The following MCPH1 variants were observed in gnomAD, a reference collection of about 807,000 sequenced individuals.
MCPH1 encodes the protein microcephalin.
In MCPH1, 104 loss-of-function variants were observed where a neutral mutation model predicts 84.5. The ratio of observed to expected loss-of-function variants is 1.23; its 90% CI spans 1.05 to 1.45. The LOEUF (loss-of-function observed/expected upper bound fraction) is 1.45. Among genes scored for constraint, MCPH1 ranks in the 40% most tolerant of loss-of-function variants. The probability of loss-of-function intolerance (pLI) is 0.00; values close to 1 mark genes in which losing one functional copy is unlikely to be tolerated. For missense variants in MCPH1, 1,498 were observed against 1,005.7 expected, an observed-to-expected ratio of 1.49 and a Z score of -6.62; for synonymous variants, 514 against 366.8, an observed-to-expected ratio of 1.40 and a Z score of -4.58.
intron 12 of MCPH1, among the ~76,000 whole-genome samples, chr8:6,564,406 C>T (rs2442509): frequency 0.77 from 117,187 of 152,154 alleles, 48,102 homozygotes; most frequent in East Asian, 0.94. Flanking sequence ...GCTCTAATGT[C>T]CTCATCTGTG....
intron 9 of MCPH1, among the ~76,000 whole-genome samples, chr8:6,473,320 C>CTTTTTTTTTTTTTTT (rs56077837): frequency 2.6e-5 from 2 of 76,438 alleles, no homozygotes; most frequent in African/African-American, 1.1e-4. Context: ...TCTCTCAATC[C>CTTTTTTTTTTTTTTT]TTTTTTTTTT....
At chr8:6,602,956 C>T (rs114253078) in intron 12 of MCPH1, among the ~76,000 whole-genome samples, 2,942 of 151,774 alleles carry the variant, frequency 0.019, 83 homozygotes, top group African/African-American at 0.067. Context: ...TGTACATAGG[C>T]GCATGTGTGT....
At chr8:6,532,374 T>G in intron 12 of MCPH1, 1 of 1,614,168 alleles carries the variant, frequency 6.2e-7, no homozygotes, top group South Asian at 1.1e-5. Flanking sequence ...GCTCCGCTGT[T>G]TGGTTCAACA....
intron 13 of MCPH1, chr8:6,642,537 G>C (rs966133113): frequency 9.6e-5 from 21 of 217,994 alleles, no homozygotes; most frequent in Middle Eastern, 1.9e-3. Context: ...TACCTATGCT[G>C]GGTAGATAGG....
In MCPH1 at chr8:6,408,497, C is replaced by T. The variant is rs1244094887; in HGVS notation, c.23-782C>T. On this transcript the variant is annotated intron_variant, in intron 1 of 13. Coordinates refer to ENST00000344683, the MANE Select transcript of MCPH1 (RefSeq NM_024596.5). Reference sequence around the variant, plus strand: ...TCCACCTTGCAAAATGCTGGGATTACAGGCATGAGCTACTTTGTTCAGCCA... The same window carrying T: ...TCCACCTTGCAAAATGCTGGGATTATAGGCATGAGCTACTTTGTTCAGCCA... 2.0e-5 allele frequency among the ~76,000 whole-genome samples: 3 copies of T among 152,026 alleles called. No homozygotes were observed. The South Asian group carries it at 6.2e-4, about 32-fold the overall frequency.
intron 13 of MCPH1, among the ~76,000 whole-genome samples, chr8:6,624,043 C>T (rs960534272): frequency 2.6e-5 from 4 of 152,212 alleles, no homozygotes; most frequent in Non-Finnish European, 4.4e-5. Flanking sequence ...CTCTGACAGC[C>T]CCTTCCTGTG....
rs1798096781 is a variant in MCPH1 at position 6,644,093 on chromosome 8, T to TA, written c.*1045dup. 1 of 152,022 alleles carries TA rather than the reference T, an allele frequency of 6.6e-6. No homozygotes were observed. The highest frequency in any genetic ancestry group is 1.5e-5 in the Non-Finnish European group (1 of 68,068). The allele number at this position is 152,022 out of a possible 1,614,324, so 9.4% of individuals were successfully genotyped here. A position where few individuals can be genotyped will look rare whatever the true frequency, so the allele number is the denominator to read the frequency against. ...CAGCAAAACCCATCTCTACTAAAAA[T>TA]ACAAAAATCAGCTGGGTGTGGTGGC... On this transcript the variant is annotated 3_prime_UTR_variant, in exon 14 of 14. Coordinates refer to ENST00000344683, the MANE Select transcript of MCPH1 (RefSeq NM_024596.5).
intron 7 of MCPH1, among the ~76,000 whole-genome samples, chr8:6,442,662 A>C (rs898238946): frequency 2.0e-5 from 3 of 152,210 alleles, no homozygotes; most frequent in Non-Finnish European, 4.4e-5. Context: ...GTAATGTGGG[A>C]GCCCTAGTTC....
chr8:6,466,722 A>G (rs1478916310), intron 9 of MCPH1, among the ~76,000 whole-genome samples: 1 of 151,964 alleles, frequency 6.6e-6, no homozygotes, highest in East Asian at 1.9e-4. Context: ...TACAGGCGGC[A>G]GCCACCGCGC....
At position 6,422,233 on chromosome 8, in the gene MCPH1, C is replaced by T. The variant is rs144955950; in HGVS notation, c.233+7350C>T. On this transcript the variant is annotated intron_variant, in intron 3 of 13. Transcript: ENST00000344683. ...TAGTAAGTCTAACATTCATCTGGCT[C>T]ATAGTAGATGCTCAGTAAATATTTG... 2.1e-3 allele frequency among the ~76,000 whole-genome samples: 323 copies of T among 152,206 alleles called. 2 individuals carry two copies. The highest frequency in any genetic ancestry group is 7.6e-3 in the African/African-American group (316 of 41,514).
intron 12 of MCPH1, among the ~76,000 whole-genome samples, chr8:6,539,857 G>T (rs4518688): frequency 0.57 from 86,796 of 151,918 alleles, 26,440 homozygotes; most frequent in Non-Finnish European, 0.68. Context: ...AAAGTGCTAG[G>T]ATTACAGGTG....
At chr8:6,499,751 G>A (rs1429157652) in intron 11 of MCPH1, 101 bp from the exon 12 acceptor site, 16 of 937,016 alleles carry the variant, frequency 1.7e-5, no homozygotes, top group Admixed American at 5.1e-5. Context: ...TCAGATCTGC[G>A]GAGTGTATCA....
At chr8:6,583,436 T>C (rs886622149) in intron 12 of MCPH1, among the ~76,000 whole-genome samples, 8 of 152,218 alleles carry the variant, frequency 5.3e-5, no homozygotes, top group Non-Finnish European at 1.0e-4. Context: ...TAATGCAGAA[T>C]AAAACCGACA....
At chr8:6,600,520 G>A (rs1346045487) in intron 12 of MCPH1, among the ~76,000 whole-genome samples, 2 of 152,256 alleles carry the variant, frequency 1.3e-5, no homozygotes, top group African/African-American at 4.8e-5. Flanking sequence ...CCAGCTTACA[G>A]CAGAGTCTGA....
At chr8:6,475,768 G>A (rs1214336265) in intron 9 of MCPH1, among the ~76,000 whole-genome samples, 3 of 152,140 alleles carry the variant, frequency 2.0e-5, no homozygotes, top group Non-Finnish European at 2.9e-5. Context: ...TTTAGTTGGT[G>A]AGTTTAAAAC....
At chr8:6,500,340 T>G (rs1476756181) in intron 12 of MCPH1, 1 of 161,960 alleles carries the variant, frequency 6.2e-6, no homozygotes, top group African/African-American at 2.4e-5. Flanking sequence ...TTTCCTAAAT[T>G]CCACTTCAAC....
intron 7 of MCPH1, 31 bp from the exon 8 acceptor site, chr8:6,444,362 T>C: frequency 6.2e-7 from 1 of 1,613,550 alleles, no homozygotes; most frequent in South Asian, 1.1e-5. Flanking sequence ...AAACCACTTT[T>C]AAAAGTTAGC....
chr8:6,538,062 A>C (rs1290665617), intron 12 of MCPH1, among the ~76,000 whole-genome samples: 1 of 152,004 alleles, frequency 6.6e-6, no homozygotes, highest in South Asian at 2.1e-4. Flanking sequence ...TGCCCATTTC[A>C]ATTTCGAAAT....
chr8:6,544,199 C>T (rs1433247165), intron 12 of MCPH1, among the ~76,000 whole-genome samples: 1 of 152,178 alleles, frequency 6.6e-6, no homozygotes, highest in Non-Finnish European at 1.5e-5. Context: ...TACCATTTGC[C>T]ATTTCAAATG....
Sources: allele counts gnomAD v4.1 joint callset (sites outside exome capture counted in the v4.1 genomes callset), GRCh38; gene constraint gnomAD v4.1.1; transcripts MANE v1.5; gene names NCBI Gene and HGNC (gene_info 2026-07-23, HGNC 2026-07-21).